Variants in SRGAP2 observed in about 807,000 individuals in gnomAD.
The protein encoded by SRGAP2 is SLIT-ROBO Rho GTPase-activating protein 2.
Under a neutral mutation model 57.2 loss-of-function variants are expected in SRGAP2, and 15 were observed. The ratio of observed to expected loss-of-function variants is 0.26; its 90% CI spans 0.18 to 0.40. SRGAP2 has a LOEUF of 0.40. Ranked by LOEUF, SRGAP2 falls within the 10% of genes least tolerant of loss-of-function variation. The probability of loss-of-function intolerance (pLI) is 1.00; values close to 1 mark genes in which losing one functional copy is unlikely to be tolerated. For synonymous variants in SRGAP2, 249 were observed against 248.0 expected (o/e 1.00, Z -0.04); for missense variants, 520 against 669.6 (o/e 0.78, Z 2.47).
At chr1:206,279,566 C>T in intron 2 of SRGAP2, among the ~76,000 whole-genome samples, 1 of 86,358 alleles carries the variant, frequency 1.2e-5, no homozygotes, top group Non-Finnish European at 2.1e-5. Flanking sequence ...CAGACATGCA[C>T]CACCACACCT....
intron 10 of SRGAP2, among the ~76,000 whole-genome samples, chr1:206,410,211 C>G (rs570096815): frequency 9.2e-5 from 14 of 152,162 alleles, no homozygotes; most frequent in Non-Finnish European, 1.6e-4. Flanking sequence ...TTCTCTACAC[C>G]CTGTGGAAGA....
intron 4 of SRGAP2, among the ~76,000 whole-genome samples, chr1:206,366,245 G>T (rs554980903): frequency 6.6e-6 from 1 of 152,330 alleles, no homozygotes; most frequent in East Asian, 1.9e-4. Flanking sequence ...CAACTTGCTG[G>T]TTTCAAGTCT....
At chr1:206,275,478 T>TG (rs1163794609) in intron 2 of SRGAP2, among the ~76,000 whole-genome samples, 1 of 106,938 alleles carries the variant, frequency 9.4e-6, no homozygotes, top group Non-Finnish European at 1.9e-5. Context: ...TCATCTGTAG[T>TG]GTGGTGACCA....
intron 2 of SRGAP2, among the ~76,000 whole-genome samples, chr1:206,224,982 T>TG (rs1667196149): frequency 2.4e-5 from 1 of 40,864 alleles, no homozygotes; most frequent in East Asian, 4.7e-4. Context: ...CAAAGAACAG[T>TG]GGGGGCACTC....
chr1:206,387,125 C>CAAAA (rs782327960), intron 5 of SRGAP2, among the ~76,000 whole-genome samples: 47 of 83,432 alleles, frequency 5.6e-4, no homozygotes, highest in African/African-American at 1.3e-3. Context: ...GACTCTGTCT[C>CAAAA]AAAAAAAAAA....
intron 2 of SRGAP2, among the ~76,000 whole-genome samples, chr1:206,291,100 C>T (rs1465150423): frequency 5.7e-4 from 86 of 151,486 alleles, no homozygotes; most frequent in Non-Finnish European, 3.7e-4. Flanking sequence ...TTTTGTTAAC[C>T]AATCAACATT....
intron 2 of SRGAP2, among the ~76,000 whole-genome samples, chr1:206,236,399 A>G (rs1667910417): frequency 6.6e-6 from 1 of 152,238 alleles, no homozygotes; most frequent in South Asian, 2.1e-4. Context: ...ACCTTTTCTC[A>G]ACACCTGCGA....
At chr1:206,457,596 C>T (rs1310706174) in intron 21 of SRGAP2, among the ~76,000 whole-genome samples, 4 of 152,170 alleles carry the variant, frequency 2.6e-5, no homozygotes, top group Non-Finnish European at 5.9e-5. Context: ...CTAAAACTGC[C>T]GAGTGGACAG....
chr1:206,345,728 G>T (rs1441053481), intron 4 of SRGAP2, among the ~76,000 whole-genome samples: 1 of 151,976 alleles, frequency 6.6e-6, no homozygotes, highest in African/African-American at 2.4e-5. Flanking sequence ...GGTGTTTGAG[G>T]ATGCAGTGAG....
At chr1:206,448,602 C>T (rs932755750) in intron 18 of SRGAP2, among the ~76,000 whole-genome samples, 40 of 152,176 alleles carry the variant, frequency 2.6e-4, no homozygotes, top group Non-Finnish European at 1.3e-4. Context: ...TCCACCCAGA[C>T]CCAGTGACAC....
At position 206,279,572 on chromosome 1, in the gene SRGAP2, C is replaced by T. The variant is rs1267109436; in HGVS notation, c.68-23709C>T. Among the ~76,000 whole-genome samples, 10 of 79,778 alleles carry T rather than the reference C, an allele frequency of 1.3e-4. No homozygotes were observed. The East Asian group carries it at 3.2e-3, about 25-fold the overall frequency. 52.3% of individuals were successfully genotyped at this position (79,778 alleles called of 152,430 possible). On this transcript the variant is annotated intron_variant, in intron 2 of 22. Coordinates refer to ENST00000573034, the MANE Select transcript of SRGAP2 (RefSeq NM_015326.5). Reference sequence around the variant, plus strand: ...CTGGGACCACAGACATGCACCACCACACCTGGCTATTTTTTTTTTTTTTTT... The same window carrying T: ...CTGGGACCACAGACATGCACCACCATACCTGGCTATTTTTTTTTTTTTTTT...
intron 4 of SRGAP2, among the ~76,000 whole-genome samples, chr1:206,354,289 T>C (rs1477296113): frequency 6.6e-6 from 1 of 152,216 alleles, no homozygotes; most frequent in Non-Finnish European, 1.5e-5. Flanking sequence ...GCTATTAAAT[T>C]ACTGGTTGAT....
intron 2 of SRGAP2, among the ~76,000 whole-genome samples, chr1:206,278,705 G>C (rs1234315828): frequency 2.7e-5 from 4 of 149,518 alleles, no homozygotes; most frequent in African/African-American, 1.0e-4. Flanking sequence ...TTTAGATGAG[G>C]CCTCATGGAA....
intron 11 of SRGAP2, among the ~76,000 whole-genome samples, chr1:206,416,894 T>C (rs1219340465): frequency 1.4e-4 from 21 of 151,974 alleles, no homozygotes; most frequent in Non-Finnish European, 2.9e-4. Flanking sequence ...AGATCTGACA[T>C]TTTAAAATAA....
intron 4 of SRGAP2, among the ~76,000 whole-genome samples, chr1:206,348,070 G>T (rs1394316499): frequency 6.8e-6 from 1 of 146,966 alleles, no homozygotes; most frequent in Non-Finnish European, 1.5e-5. Flanking sequence ...CTTAAGGGAG[G>T]CTCCTTGCTA....
chr1:206,425,972 G>A (rs1050983762), intron 13 of SRGAP2, among the ~76,000 whole-genome samples: 12 of 150,442 alleles, frequency 8.0e-5, no homozygotes, highest in African/African-American at 2.7e-4. Context: ...TCAGCCTCCC[G>A]AGTAGCTGGG....
intron 2 of SRGAP2, among the ~76,000 whole-genome samples, chr1:206,268,035 A>G (rs1553315075): frequency 2.0e-5 from 3 of 149,046 alleles, no homozygotes; most frequent in African/African-American, 7.4e-5. Context: ...TGATTTGGGA[A>G]AATTTTAACA....
chr1:206,375,143 C>G (rs1655084119), intron 4 of SRGAP2, among the ~76,000 whole-genome samples: 1 of 147,536 alleles, frequency 6.8e-6, no homozygotes, highest in African/African-American at 2.5e-5. Context: ...TTTCAAGTAC[C>G]TTATCATTCT....
chr1:206,438,085 G>A lies in SRGAP2; in HGVS notation c.1755G>A (p.Leu585=), dbSNP rs1553370688. ...TCCCCAAGGACATCTTTCATGACCT[G>A]ATGGCCTGCGTCAGTAAGTACCATT... ...PLFPKDIFHD[L]MACVTMDNLQ... is the part of the protein sequence containing the mutation. The change falls in exon 16 of 23, where the codon CTG becomes CTA. Residue 585 remains leucine, a synonymous_variant. Transcript: ENST00000573034. 1 of 780,786 alleles carries A rather than the reference G, an allele frequency of 1.3e-6. No individual in the cohort carries two copies. The highest frequency in any genetic ancestry group is 1.7e-5 in the Admixed American group (1 of 59,030). The allele number at this position is 780,786 out of a possible 1,614,324, so 48.4% of individuals were successfully genotyped here. A position where few individuals can be genotyped will look rare whatever the true frequency, so the allele number is the denominator to read the frequency against.
Sources: allele counts gnomAD v4.1 joint callset (sites outside exome capture counted in the v4.1 genomes callset), GRCh38; gene constraint gnomAD v4.1.1; transcripts MANE v1.5; gene names NCBI Gene and HGNC (gene_info 2026-07-23, HGNC 2026-07-21).